PTPRM: variants seen among roughly 807,000 people sequenced by gnomAD.
PTPRM encodes the protein protein tyrosine phosphatase receptor type M, also known as receptor-type tyrosine-protein phosphatase mu.
PTPRM carries 47 observed loss-of-function variants against 186.7 expected under a neutral mutation model. The ratio of observed to expected loss-of-function variants is 0.25; its 90% CI spans 0.20 to 0.32. The LOEUF (loss-of-function observed/expected upper bound fraction) is 0.32, where lower values mean the gene tolerates loss of function less well. Among genes scored for constraint, PTPRM ranks in the 10% least tolerant of loss-of-function variants. The pLI, the probability that PTPRM is intolerant of heterozygous loss-of-function variation, is 1.00. For synonymous variants in PTPRM, 668 were observed against 674.9 expected (o/e 0.99, Z 0.16); for missense variants, 1,494 against 1,865.0 (o/e 0.80, Z 3.66).
intron 2 of PTPRM, among the ~76,000 whole-genome samples, chr18:7,802,313 A>T (rs2044013770): frequency 6.6e-6 from 1 of 152,186 alleles, no homozygotes; most frequent in South Asian, 2.1e-4. Context: ...CTACTGGGTC[A>T]GGGAATTGTT....
chr18:8,138,343 G>T (rs1306386005), intron 13 of PTPRM, among the ~76,000 whole-genome samples: 1 of 151,902 alleles, frequency 6.6e-6, no homozygotes, highest in African/African-American at 2.4e-5. Context: ...CATCAGGATT[G>T]CTCTCACTGG....
intron 14 of PTPRM, among the ~76,000 whole-genome samples, chr18:8,241,852 G>C (rs550097002): frequency 1.2e-4 from 18 of 152,296 alleles, no homozygotes; most frequent in African/African-American, 4.3e-4. Flanking sequence ...CTATGGATAT[G>C]AGCTTAATGT....
chr18:8,285,485 G>T (rs1187800473), intron 19 of PTPRM, among the ~76,000 whole-genome samples: 1 of 152,194 alleles, frequency 6.6e-6, no homozygotes, highest in East Asian at 1.9e-4. Context: ...GTGCTGAATT[G>T]CAGGTGAGAA....
chr18:8,073,196 A>G (rs1474743520), intron 8 of PTPRM, among the ~76,000 whole-genome samples: 1 of 152,236 alleles, frequency 6.6e-6, no homozygotes, highest in Admixed American at 6.5e-5. Flanking sequence ...CATATTTTCA[A>G]ATAAGAAATA....
chr18:8,313,125 T>A (rs2148018146), intron 20 of PTPRM, among the ~76,000 whole-genome samples: 1 of 152,334 alleles, frequency 6.6e-6, no homozygotes, highest in African/African-American at 2.4e-5. Context: ...CCCTGGCTTT[T>A]ATCTCAAAAG....
intron 20 of PTPRM, among the ~76,000 whole-genome samples, chr18:8,298,775 C>T (rs1177496377): frequency 2.0e-5 from 3 of 152,134 alleles, no homozygotes; most frequent in Non-Finnish European, 4.4e-5. Flanking sequence ...CCAGGAGCAG[C>T]TTTTATAACC....
At chr18:8,321,450 T>C (rs2095345229) in intron 22 of PTPRM, among the ~76,000 whole-genome samples, 1 of 152,180 alleles carries the variant, frequency 6.6e-6, no homozygotes, top group Non-Finnish European at 1.5e-5. Context: ...GATTATTCTT[T>C]AAAGAGAAAT....
At chr18:8,204,246 T>G (rs1462303428) in intron 14 of PTPRM, among the ~76,000 whole-genome samples, 1 of 152,060 alleles carries the variant, frequency 6.6e-6, no homozygotes, top group Non-Finnish European at 1.5e-5. Flanking sequence ...CCCCTAAATG[T>G]GACACTTCTT....
chr18:8,367,320 A>C (rs1473175990), intron 23 of PTPRM, among the ~76,000 whole-genome samples: 3 of 152,220 alleles, frequency 2.0e-5, no homozygotes, highest in Non-Finnish European at 4.4e-5. Context: ...CCGCCCCGCC[A>C]GGTGCCTGTG....
At chr18:8,235,339 G>C (rs2094332113) in intron 14 of PTPRM, among the ~76,000 whole-genome samples, 1 of 151,900 alleles carries the variant, frequency 6.6e-6, no homozygotes, top group South Asian at 2.1e-4. Context: ...ATTTCAACCA[G>C]GTCATCAAAT....
chr18:7,716,123 A>G (rs539656679), intron 1 of PTPRM, among the ~76,000 whole-genome samples: 4 of 152,316 alleles, frequency 2.6e-5, no homozygotes, highest in Admixed American at 6.5e-5. Flanking sequence ...CTACAAGTCT[A>G]CAGTAACCAA....
chr18:8,338,154 C>G (rs2095451209), intron 22 of PTPRM, among the ~76,000 whole-genome samples: 1 of 151,858 alleles, frequency 6.6e-6, no homozygotes, highest in Non-Finnish European at 1.5e-5. Context: ...AGCACAGACG[C>G]TTGGGGGCTG....
At chr18:8,319,136 CGAT>C in intron 21 of PTPRM, 39 bp from the exon 22 acceptor site, 2 of 1,351,448 alleles carry the variant, frequency 1.5e-6, no homozygotes, top group Non-Finnish European at 2.1e-6. Context: ...TGCTGTTTAT[CGAT>C]TTTATGTTTA....
rs1036100056 is a variant in PTPRM at position 7,674,785 on chromosome 18, C to T, written c.74-99364C>T. ...TAGAAATAAAATCAATTAGTTAATA[C>T]ACATAGTGCATTCTGTTAAATCCTG... On this transcript the variant is annotated intron_variant, in intron 1 of 32. Coordinates refer to ENST00000580170, the MANE Select transcript of PTPRM (RefSeq NM_001105244.2). Among the ~76,000 whole-genome samples, 10 of 152,174 alleles carry T rather than the reference C, an allele frequency of 6.6e-5. No homozygotes were observed. The South Asian group carries it at 1.9e-3, about 28-fold the overall frequency.
In PTPRM at chr18:7,579,080, A is replaced by T. The variant is rs868314183; in HGVS notation, c.73+11189A>T. On this transcript the variant is annotated intron_variant, in intron 1 of 32. Coordinates refer to ENST00000580170, the MANE Select transcript of PTPRM (RefSeq NM_001105244.2). Reference sequence around the variant, plus strand: ...GACATAGAAGTATGTGTATGTGGTTATGTATGTCTAGATTTTATAAACAGG... The same window carrying T: ...GACATAGAAGTATGTGTATGTGGTTTTGTATGTCTAGATTTTATAAACAGG... Among the ~76,000 whole-genome samples the T allele has an allele frequency of 1.3e-5, 2 of 152,312 alleles. 1 individual carries two copies. The highest frequency in any genetic ancestry group is 6.8e-3 in the Middle Eastern group (2 of 294).
intron 7 of PTPRM, among the ~76,000 whole-genome samples, chr18:7,985,747 C>A (rs1383653617): frequency 6.6e-6 from 1 of 151,618 alleles, no homozygotes; most frequent in Non-Finnish European, 1.5e-5. Flanking sequence ...AATGGAGTTT[C>A]CATCCCCTCA....
intron 7 of PTPRM, among the ~76,000 whole-genome samples, chr18:8,032,523 G>T (rs186641074): frequency 6.6e-6 from 1 of 152,052 alleles, no homozygotes; most frequent in Non-Finnish European, 1.5e-5. Flanking sequence ...ATATTTTAGA[G>T]ATGTCAGTTC....
rs34332223 is a variant in PTPRM at position 7,902,834 on chromosome 18, CTT to C, written c.469-3655_469-3654del. 4.4e-3 allele frequency among the ~76,000 whole-genome samples: 575 copies of C among 130,052 alleles called. 2 individuals carry two copies. Among genetic ancestry groups the C allele is most frequent in the East Asian group, 0.018 (81 of 4,474 alleles). The allele number at this position is 130,052 out of a possible 152,430, so 85.3% of individuals were successfully genotyped here. On this transcript the variant is annotated intron_variant, in intron 3 of 32. Coordinates refer to ENST00000580170, the MANE Select transcript of PTPRM (RefSeq NM_001105244.2). ...CTTCCAGGTCTCAGATCTTCTCTGC[CTT>C]TTTTTTTTTTTTTTTGTACTCTCCT... is the stretch of plus-strand genomic sequence containing the variant.
intron 1 of PTPRM, among the ~76,000 whole-genome samples, chr18:7,719,728 A>G (rs1474224021): frequency 6.6e-6 from 1 of 152,202 alleles, no homozygotes; most frequent in African/African-American, 2.4e-5. Context: ...GCTGTTTAAT[A>G]TTACATTGGA....
Sources: gnomAD v4.1 joint callset for allele counts (sites outside exome capture counted in the v4.1 genomes callset) on GRCh38, gnomAD v4.1.1 for gene constraint, MANE v1.5 for transcripts, NCBI Gene and HGNC (gene_info 2026-07-23, HGNC 2026-07-21) for gene names.